The following COL4A6 variants were observed in gnomAD, a reference collection of about 807,000 sequenced individuals.
COL4A6 encodes collagen type IV alpha 6 chain.
In COL4A6, 59 loss-of-function variants were observed where a neutral mutation model predicts 126.7. The observed-to-expected ratio is 0.47, with a 90% CI of 0.38 to 0.58. COL4A6 has a LOEUF of 0.58. Ranked by LOEUF, COL4A6 falls within the 20% of genes least tolerant of loss-of-function variation. COL4A6 has a pLI of 0.00. For missense variants in COL4A6, 1,285 were observed against 1,337.3 expected (o/e 0.96, Z 0.61); for synonymous variants, 547 against 496.6 (o/e 1.10, Z -1.35).
chrX:108,357,836 T>C (rs1177732603), intron 2 of COL4A6, among the ~76,000 whole-genome samples: 2 of 111,216 alleles, frequency 1.8e-5, no homozygotes, highest in Non-Finnish European at 3.8e-5. Flanking sequence ...GTTACGTATA[T>C]GTTGTCCTAG....
chrX:108,217,903 G>A (rs1056922211), intron 5 of COL4A6, among the ~76,000 whole-genome samples: 4 of 111,985 alleles, frequency 3.6e-5, no homozygotes, highest in African/African-American at 1.3e-4. Flanking sequence ...CTAAGTAAAA[G>A]ATGTGGATAC....
intron 8 of COL4A6, among the ~76,000 whole-genome samples, chrX:108,208,746 A>G (rs2035618214): frequency 9.0e-6 from 1 of 111,592 alleles, no homozygotes; most frequent in Admixed American, 9.5e-5. Context: ...ATGGGCCTGG[A>G]TAAGGGGCGG....
intron 3 of COL4A6, among the ~76,000 whole-genome samples, chrX:108,229,644 T>G (rs1373876408): frequency 8.9e-6 from 1 of 112,696 alleles, no homozygotes; most frequent in Non-Finnish European, 1.9e-5. Flanking sequence ...GCAATAAAAG[T>G]TATTTGTTGT....
intron 2 of COL4A6, among the ~76,000 whole-genome samples, chrX:108,339,976 C>T (rs1347398572): frequency 9.0e-6 from 1 of 111,503 alleles, no homozygotes; most frequent in Non-Finnish European, 1.9e-5. Context: ...AGCCCATGCC[C>T]AGGACCCTTA....
At chrX:108,378,073 T>C (rs578163648) in intron 2 of COL4A6, among the ~76,000 whole-genome samples, 128 of 107,349 alleles carry the variant, frequency 1.2e-3, no homozygotes, top group African/African-American at 3.9e-3. Context: ...TGAAGAAATT[T>C]AAAAAAAAAA....
At chrX:108,389,437 T>A (rs889623295) in intron 2 of COL4A6, among the ~76,000 whole-genome samples, 1 of 112,131 alleles carries the variant, frequency 8.9e-6, no homozygotes, top group Admixed American at 9.4e-5. Context: ...TAGTTACCTC[T>A]TCTTTTGCAT....
At chrX:108,250,674 C>T (rs1421923927) in intron 3 of COL4A6, among the ~76,000 whole-genome samples, 1 of 111,240 alleles carries the variant, frequency 9.0e-6, no homozygotes, top group Non-Finnish European at 1.9e-5. Context: ...ATGCTTCCTG[C>T]CCTGAGAGCC....
chrX:108,231,245 C>T (rs768931462), intron 3 of COL4A6, among the ~76,000 whole-genome samples: 3 of 112,066 alleles, frequency 2.7e-5, no homozygotes, highest in East Asian at 2.8e-4. Context: ...CTATAATCAG[C>T]GTTTGAAGCA....
chrX:108,283,861 C>A (rs1254451367), intron 3 of COL4A6, among the ~76,000 whole-genome samples: 3 of 111,207 alleles, frequency 2.7e-5, no homozygotes, highest in African/African-American at 9.8e-5. Flanking sequence ...GAAGGTAGAG[C>A]CTCTTTAATA....
intron 3 of COL4A6, among the ~76,000 whole-genome samples, chrX:108,303,008 C>CA (rs2038531232): frequency 9.3e-6 from 1 of 108,024 alleles, no homozygotes; most frequent in African/African-American, 3.4e-5. Context: ...CTCCACCCCC[C>CA]CAATTTGCAG....
intron 2 of COL4A6, among the ~76,000 whole-genome samples, chrX:108,330,097 C>A (rs1019321349): frequency 9.0e-6 from 1 of 110,672 alleles, no homozygotes; most frequent in Admixed American, 9.7e-5. Flanking sequence ...TGGGATAGAA[C>A]GTAGAATTAT....
At chrX:108,235,888 A>G (rs56139793) in intron 3 of COL4A6, among the ~76,000 whole-genome samples, 4,838 of 110,217 alleles carry the variant, frequency 0.044, 237 homozygotes, top group African/African-American at 0.14. Flanking sequence ...AAACAGGCTA[A>G]ATCCTACGAT....
chrX:108,214,816 C>A (rs772746884), intron 5 of COL4A6, among the ~76,000 whole-genome samples: 3 of 112,775 alleles, frequency 2.7e-5, no homozygotes, highest in Admixed American at 1.9e-4. Context: ...GCTATTGCTT[C>A]AGTTAGAAAA....
At chrX:108,431,030 A>G (rs767366806) in intron 2 of COL4A6, among the ~76,000 whole-genome samples, 1 of 111,515 alleles carries the variant, frequency 9.0e-6, no homozygotes, top group South Asian at 3.8e-4. Context: ...ACTATATAGG[A>G]GGCATAGTTA....
At chrX:108,200,478 T>G (rs897788483) in intron 13 of COL4A6, among the ~76,000 whole-genome samples, 2 of 112,181 alleles carry the variant, frequency 1.8e-5, no homozygotes, top group African/African-American at 6.5e-5. Flanking sequence ...TTCGCATACA[T>G]TATTAGTTGG....
chrX:108,405,228 T>C (rs750036833), intron 2 of COL4A6, among the ~76,000 whole-genome samples: 4 of 109,915 alleles, frequency 3.6e-5, no homozygotes, highest in Non-Finnish European at 5.7e-5. Context: ...AGCGGAGTTC[T>C]CCCTCTTTCC....
chrX:108,336,556 T>C (rs1289380478), intron 2 of COL4A6, among the ~76,000 whole-genome samples: 1 of 111,062 alleles, frequency 9.0e-6, no homozygotes, highest in Non-Finnish European at 1.9e-5. Flanking sequence ...TGGAAGTAGA[T>C]AGTGATGATG....
chrX:108,164,776 TA>T, intron 39 of COL4A6, 78 bp from the exon 40 acceptor site: 2 of 1,176,959 alleles, frequency 1.7e-6, no homozygotes, highest in South Asian at 3.7e-5. Flanking sequence ...AGGGGTGAGG[TA>T]GGGAAGAACA....
chrX:108,380,806 G>A (rs141751424), intron 2 of COL4A6, among the ~76,000 whole-genome samples: 339 of 112,028 alleles, frequency 3.0e-3, no homozygotes, highest in African/African-American at 0.011. Context: ...AAAAGTAGCT[G>A]TGTATTCTTG....
Sources: allele counts gnomAD v4.1 joint callset (sites outside exome capture counted in the v4.1 genomes callset), GRCh38; gene constraint gnomAD v4.1.1; transcripts MANE v1.5; gene names NCBI Gene and HGNC (gene_info 2026-07-23, HGNC 2026-07-21).